Variants in KDM2A observed in about 807,000 individuals in gnomAD.
KDM2A encodes the protein lysine-specific demethylase 2A.
KDM2A carries 3 observed loss-of-function variants against 137.3 expected under a neutral mutation model. That is an observed-to-expected ratio of 0.02 (90% confidence interval 0.01 to 0.06). KDM2A has a LOEUF of 0.06. Ranked by LOEUF, KDM2A falls within the 10% of genes least tolerant of loss-of-function variation. KDM2A has a pLI of 1.00. For missense variants in KDM2A, 738 were observed against 1,510.6 expected (o/e 0.49, Z 8.48); for synonymous variants, 512 against 541.5 (o/e 0.95, Z 0.76).
intron 2 of KDM2A, among the ~76,000 whole-genome samples, chr11:67,137,267 T>C (rs971777758): frequency 2.6e-5 from 4 of 152,218 alleles, no homozygotes; most frequent in African/African-American, 4.8e-5. Context: ...GGCATTATCC[T>C]GAAGCCATTG....
In KDM2A at chr11:67,253,616, G is replaced by T; in HGVS notation, c.3091+5G>T. The T allele has an allele frequency of 6.2e-7, 1 of 1,613,660 alleles. No individual in the cohort carries two copies. Among genetic ancestry groups the T allele is most frequent in the Non-Finnish European group, 8.5e-7 (1 of 1,179,666 alleles). ...CTCCACCGGCTGATAAACCAGGTAT[G>T]CTCTGGACCTGACTTCTCTGTGCTT... On this transcript the variant is annotated splice_donor_5th_base_variant and intron_variant, in intron 19 of 20. Coordinates refer to ENST00000529006, the MANE Select transcript of KDM2A (RefSeq NM_012308.3).
chr11:67,254,318 C>T lies in KDM2A; in HGVS notation c.3207C>T (p.Leu1069=), dbSNP rs757471786. The T allele has an allele frequency of 6.8e-6, 11 of 1,613,920 alleles. No individual in the cohort carries two copies. The highest frequency in any genetic ancestry group is 1.6e-4 in the Middle Eastern group (1 of 6,084). ...IIRHMPLLSR[L]DLSHCSHLTD... The stretch of plus-strand genomic sequence containing the variant: ...GCCACATGCCCCTCCTGTCTCGACT[C>T]GACCTCAGTCACTGCAGCCACCTTA... The change falls in exon 20 of 21, where the codon CTC becomes CTT. Residue 1069 remains leucine, a synonymous_variant. Transcript: ENST00000529006. The surrounding 1 kb of genome is among the most constrained non-coding windows in gnomAD (Gnocchi z 4.7).
chr11:67,200,436 C>G (rs985874753), intron 5 of KDM2A, among the ~76,000 whole-genome samples: 1 of 152,126 alleles, frequency 6.6e-6, no homozygotes, highest in East Asian at 1.9e-4. Flanking sequence ...CCAGGATGAT[C>G]GCGATCTCCT....
chr11:67,254,822 G>C lies in KDM2A; in HGVS notation c.3308-52G>C. 6.7e-7 allele frequency: 1 copy of C among 1,503,298 alleles called. No individual in the cohort carries two copies. The highest frequency in any genetic ancestry group is 9.2e-7 in the Non-Finnish European group (1 of 1,085,468). The allele number at this position is 1,503,298 out of a possible 1,614,324, so 93.1% of individuals were successfully genotyped here. A position where few individuals can be genotyped will look rare whatever the true frequency, so the allele number is the denominator to read the frequency against. On this transcript the variant is annotated intron_variant, in intron 20 of 20. Transcript: ENST00000529006. This position sits in a 1 kb window ranked among gnomAD's most constrained non-coding sequence, Gnocchi z 4.7. ...AGACGGCTACAGGAATTGAATGGCA[G>C]AGGAAAGCTGTGTGTATGTGAGCAC...
At chr11:67,152,845 A>G (rs970920972) in intron 2 of KDM2A, among the ~76,000 whole-genome samples, 26 of 151,064 alleles carry the variant, frequency 1.7e-4, no homozygotes, top group African/African-American at 6.1e-4. Flanking sequence ...TTTTTTTGCT[A>G]GCAAAACAAA....
intron 2 of KDM2A, among the ~76,000 whole-genome samples, chr11:67,152,523 G>T (rs1191373451): frequency 2.6e-5 from 4 of 151,774 alleles, no homozygotes; most frequent in Non-Finnish European, 2.9e-5. Context: ...TGGGAGGATC[G>T]CTTGAGCCTG....
At chr11:67,129,747 AAAAG>A (rs1350962663) in intron 2 of KDM2A, among the ~76,000 whole-genome samples, 1 of 144,440 alleles carries the variant, frequency 6.9e-6, no homozygotes, top group East Asian at 2.0e-4. Flanking sequence ...AAAAAAAAAA[AAAAG>A]AAAAAGAAAA....
At chr11:67,237,478 A>G (rs1248962781) in intron 12 of KDM2A, among the ~76,000 whole-genome samples, 4 of 151,688 alleles carry the variant, frequency 2.6e-5, no homozygotes, top group Non-Finnish European at 4.4e-5. Flanking sequence ...ATTATTAGCA[A>G]CGAGGTCTTG....
chr11:67,150,911 T>A (rs750886965), intron 2 of KDM2A, among the ~76,000 whole-genome samples: 60 of 152,126 alleles, frequency 3.9e-4, no homozygotes, highest in Non-Finnish European at 7.5e-4. Context: ...TTCATCCTAG[T>A]CTTCAGTCTA....
intron 7 of KDM2A, 96 bp from the exon 8 acceptor site, chr11:67,215,760 A>T (rs1416492475): frequency 1.2e-6 from 1 of 845,822 alleles, no homozygotes; most frequent in African/African-American, 1.7e-5. Context: ...TAAGTGGAAG[A>T]TAAAGGGAGT....
chr11:67,139,198 A>G (rs1215951351), intron 2 of KDM2A, among the ~76,000 whole-genome samples: 2 of 149,442 alleles, frequency 1.3e-5, no homozygotes, highest in Non-Finnish European at 3.0e-5. Context: ...AAGTAAGTGT[A>G]CCCTGCAGCC....
intron 2 of KDM2A, among the ~76,000 whole-genome samples, chr11:67,164,199 A>G (rs569551469): frequency 6.6e-6 from 1 of 152,326 alleles, no homozygotes; most frequent in East Asian, 1.9e-4. Flanking sequence ...TCAAAGTGGC[A>G]GTGCCTAGAC....
rs1255957273 is a variant in KDM2A at position 67,119,384 on chromosome 11, AG to A, written c.-748del. 1 of 163,342 alleles carries A rather than the reference AG, an allele frequency of 6.1e-6. No individual in the cohort carries two copies. The highest frequency in any genetic ancestry group is 6.5e-5 in the Admixed American group (1 of 15,396). 10.1% of individuals were successfully genotyped at this position (163,342 alleles called of 1,614,324 possible). Reference sequence around the variant, plus strand: ...GCGGCGGCTCTCGGAGCACCTTCCCAGCGGCTGGGCCCGTGGCCGCTCTGTC... The same window carrying A: ...GCGGCGGCTCTCGGAGCACCTTCCCACGGCTGGGCCCGTGGCCGCTCTGTC... On this transcript the variant is annotated 5_prime_UTR_variant, in exon 1 of 21. Coordinates refer to ENST00000529006, the MANE Select transcript of KDM2A (RefSeq NM_012308.3).
intron 7 of KDM2A, 88 bp downstream of exon 7, chr11:67,215,534 C>CT: frequency 1.2e-6 from 1 of 840,548 alleles, no homozygotes; most frequent in Non-Finnish European, 2.0e-6. Flanking sequence ...GAGCTTTGCT[C>CT]TGTGTCTTGA....
intron 12 of KDM2A, among the ~76,000 whole-genome samples, chr11:67,240,684 G>C (rs1859006798): frequency 6.6e-6 from 1 of 152,126 alleles, no homozygotes; most frequent in African/African-American, 2.4e-5. Context: ...CGAGATAGGC[G>C]TCAGCCTTTC....
At chr11:67,217,286 C>T (rs1392191819) in intron 8 of KDM2A, among the ~76,000 whole-genome samples, 3 of 149,436 alleles carry the variant, frequency 2.0e-5, no homozygotes, top group Non-Finnish European at 4.4e-5. Context: ...ACAACTATGT[C>T]TCCAAATCCA....
chr11:67,200,217 GTTT>G (rs71461637), intron 5 of KDM2A, among the ~76,000 whole-genome samples: 1 of 147,502 alleles, frequency 6.8e-6, no homozygotes, highest in African/African-American at 2.5e-5. Context: ...TGTTTGTGTG[GTTT>G]TTTTTTTTCT....
At chr11:67,242,040 C>A (rs1158533218) in intron 12 of KDM2A, among the ~76,000 whole-genome samples, 1 of 152,126 alleles carries the variant, frequency 6.6e-6, no homozygotes, top group Admixed American at 6.5e-5. Flanking sequence ...CGCCACTGCA[C>A]TCCAGCCTGA....
chr11:67,199,084 A>G (rs1857556112), intron 5 of KDM2A, among the ~76,000 whole-genome samples: 1 of 152,148 alleles, frequency 6.6e-6, no homozygotes, highest in South Asian at 2.1e-4. Context: ...CCAGCAGATC[A>G]GTGATCTTTG....
Sources: gnomAD v4.1 joint callset for allele counts (sites outside exome capture counted in the v4.1 genomes callset) on GRCh38, gnomAD v4.1.1 for gene constraint, Gnocchi (gnomAD v3.1) non-coding constraint, MANE v1.5 for transcripts, NCBI Gene and HGNC (gene_info 2026-07-23, HGNC 2026-07-21) for gene names.